The following CNTNAP2 variants were observed in gnomAD, a reference collection of about 807,000 sequenced individuals.
The protein encoded by CNTNAP2 is contactin associated protein 2, also known as contactin-associated protein-like 2.
CNTNAP2 carries 98 observed loss-of-function variants against 155.2 expected under a neutral mutation model. The observed-to-expected ratio is 0.63, with a 90% CI of 0.54 to 0.75. The LOEUF is 0.75. CNTNAP2 is among the 30% of genes least tolerant of loss of function. The probability of loss-of-function intolerance (pLI) is 0.00; values close to 1 mark genes in which losing one functional copy is unlikely to be tolerated. For missense variants in CNTNAP2, 1,727 were observed against 1,688.1 expected (o/e 1.02, Z -0.40); for synonymous variants, 651 against 631.2 (o/e 1.03, Z -0.47).
intron 8 of CNTNAP2, among the ~76,000 whole-genome samples, chr7:147,209,894 T>TTG (rs1803109191): frequency 6.6e-6 from 1 of 152,076 alleles, no homozygotes; most frequent in Non-Finnish European, 1.5e-5. Context: ...ATTTATCGAC[T>TTG]TGTGTATGTT....
intron 1 of CNTNAP2, among the ~76,000 whole-genome samples, chr7:146,423,542 A>G (rs1796044534): frequency 6.6e-6 from 1 of 152,200 alleles, no homozygotes; most frequent in Admixed American, 6.5e-5. Flanking sequence ...ATGGATAAAG[A>G]CAGGATATTT....
chr7:147,997,728 G>A (rs189120985), intron 15 of CNTNAP2, among the ~76,000 whole-genome samples: 65 of 152,258 alleles, frequency 4.3e-4, no homozygotes, highest in African/African-American at 1.2e-3. Flanking sequence ...AAAGATTGGC[G>A]GGAGGGAGAC....
rs76514178 is a variant in CNTNAP2, at chr7:147,804,007, T to C, written c.2099-99558T>C. Among the ~76,000 whole-genome samples, 134 of 152,352 alleles carry C rather than the reference T, an allele frequency of 8.8e-4. 4 individuals are homozygous for C. In the East Asian group the frequency reaches 0.024, roughly 27 times the overall value. ...GCTAAGAGCATCTTTGACTGTGTTC[T>C]TAACAGTCTAAGACAATGGAGCAAT... On this transcript the variant is annotated intron_variant, in intron 13 of 23. Transcript: ENST00000361727.
At chr7:146,798,928 T>C (rs900499932) in intron 2 of CNTNAP2, among the ~76,000 whole-genome samples, 10 of 151,400 alleles carry the variant, frequency 6.6e-5, no homozygotes, top group African/African-American at 2.5e-4. Flanking sequence ...AAAAATATTT[T>C]TGAGTACATT....
intron 1 of CNTNAP2, among the ~76,000 whole-genome samples, chr7:146,194,356 G>A (rs1798747355): frequency 6.6e-6 from 1 of 152,204 alleles, no homozygotes; most frequent in African/African-American, 2.4e-5. Flanking sequence ...CACAATCATG[G>A]TGGAAGGCAA....
intron 12 of CNTNAP2, among the ~76,000 whole-genome samples, chr7:147,583,866 G>A (rs953875999): frequency 6.6e-5 from 10 of 151,964 alleles, no homozygotes; most frequent in South Asian, 2.1e-4. Context: ...ACTATCGGTA[G>A]CATCTCACAA....
intron 1 of CNTNAP2, among the ~76,000 whole-genome samples, chr7:146,754,445 T>C (rs1175715900): frequency 6.6e-6 from 1 of 152,024 alleles, no homozygotes; most frequent in Non-Finnish European, 1.5e-5. Context: ...AACAAAAACA[T>C]GTGTCAGCTG....
At chr7:147,235,596 G>C (rs962972330) in intron 8 of CNTNAP2, among the ~76,000 whole-genome samples, 5 of 152,094 alleles carry the variant, frequency 3.3e-5, no homozygotes, top group Admixed American at 6.5e-5. Context: ...TGGATTAAAA[G>C]TGTCCTATTT....
At chr7:146,765,189 A>G (rs1802173359) in intron 1 of CNTNAP2, among the ~76,000 whole-genome samples, 3 of 152,184 alleles carry the variant, frequency 2.0e-5, no homozygotes, top group Non-Finnish European at 4.4e-5. Flanking sequence ...TGGAGCCAAG[A>G]TATTTAAAAA....
intron 1 of CNTNAP2, among the ~76,000 whole-genome samples, chr7:146,373,445 G>A (rs1005531731): frequency 2.0e-5 from 3 of 150,752 alleles, no homozygotes; most frequent in African/African-American, 7.4e-5. Context: ...TAGGCATGAG[G>A]TCAAAGCATC....
chr7:147,424,508 A>G (rs1797347172), intron 10 of CNTNAP2, among the ~76,000 whole-genome samples: 1 of 151,956 alleles, frequency 6.6e-6, no homozygotes, highest in Admixed American at 6.6e-5. Flanking sequence ...TCTCATTTAG[A>G]TGTCTCCTCG....
chr7:146,900,144 C>G (rs1795964267), intron 3 of CNTNAP2, among the ~76,000 whole-genome samples: 1 of 152,144 alleles, frequency 6.6e-6, no homozygotes, highest in African/African-American at 2.4e-5. Context: ...TAAACAGTAT[C>G]TCAAAACTAA....
chr7:146,327,032 C>G (rs559062026), intron 1 of CNTNAP2, among the ~76,000 whole-genome samples: 1 of 152,068 alleles, frequency 6.6e-6, no homozygotes, highest in African/African-American at 2.4e-5. Context: ...CATGGTGCCA[C>G]TTATTTTATA....
At chr7:146,358,109 A>G (rs1443072890) in intron 1 of CNTNAP2, among the ~76,000 whole-genome samples, 5 of 151,884 alleles carry the variant, frequency 3.3e-5, no homozygotes, top group Admixed American at 3.3e-4. Flanking sequence ...ATCTCGGCTC[A>G]CTGCAAGCTC....
intron 2 of CNTNAP2, among the ~76,000 whole-genome samples, chr7:146,778,845 C>T (rs1802434974): frequency 6.6e-6 from 1 of 152,120 alleles, no homozygotes; most frequent in Non-Finnish European, 1.5e-5. Flanking sequence ...TTTCTTCTGC[C>T]AGAGAGACAG....
chr7:147,603,557 C>G (rs1018948317), intron 12 of CNTNAP2, among the ~76,000 whole-genome samples: 25 of 152,136 alleles, frequency 1.6e-4, no homozygotes, highest in African/African-American at 6.0e-4. Flanking sequence ...AACCACTGCT[C>G]AATGAAATAA....
intron 21 of CNTNAP2, among the ~76,000 whole-genome samples, chr7:148,336,224 T>C (rs978268816): frequency 2.6e-5 from 4 of 152,194 alleles, no homozygotes; most frequent in African/African-American, 7.2e-5. Flanking sequence ...GCTAAGCATA[T>C]AAATATAATT....
chr7:147,092,706 A>C (rs1278782786), intron 4 of CNTNAP2, among the ~76,000 whole-genome samples: 1 of 152,210 alleles, frequency 6.6e-6, no homozygotes, highest in Non-Finnish European at 1.5e-5. Context: ...TAAATTGAAA[A>C]ATGTGATTTG....
chr7:147,537,585 A>T (rs917364330), intron 11 of CNTNAP2, among the ~76,000 whole-genome samples: 2 of 149,976 alleles, frequency 1.3e-5, no homozygotes, highest in Non-Finnish European at 3.0e-5. Context: ...TAAAAAAAAA[A>T]AGTTGTAGCT....
Sources: allele counts gnomAD v4.1 joint callset (sites outside exome capture counted in the v4.1 genomes callset), GRCh38; gene constraint gnomAD v4.1.1; transcripts MANE v1.5; gene names NCBI Gene and HGNC (gene_info 2026-07-23, HGNC 2026-07-21).